Variants in KIAA1328 observed in about 807,000 individuals in gnomAD.
KIAA1328 encodes protein hinderin.
In KIAA1328, 52 loss-of-function variants were observed where a neutral mutation model predicts 68.1. That is an observed-to-expected ratio of 0.76 (90% CI 0.61 to 0.96). KIAA1328 has a LOEUF of 0.96. Ranked by LOEUF, KIAA1328 falls within the 40% of genes least tolerant of loss-of-function variation. KIAA1328 has a pLI of 0.00. For missense variants in KIAA1328, 641 were observed against 677.6 expected (o/e 0.95, Z 0.60); for synonymous variants, 232 against 239.4 (o/e 0.97, Z 0.28).
chr18:37,113,717 T>C (rs2058014155), intron 7 of KIAA1328, among the ~76,000 whole-genome samples: 1 of 152,026 alleles, frequency 6.6e-6, no homozygotes, highest in African/African-American at 2.4e-5. Context: ...GACTGGCAAA[T>C]TGGATAAAGA....
intron 7 of KIAA1328, chr18:37,075,493 A>C (rs1248602838): frequency 6.6e-6 from 1 of 152,180 alleles, no homozygotes; most frequent in African/African-American, 2.4e-5. Context: ...TATTAACTTT[A>C]AATGTAAATG....
chr18:36,847,828 TTGTTTTTCTA>T (rs1205239259), intron 4 of KIAA1328, among the ~76,000 whole-genome samples: 1 of 151,694 alleles, frequency 6.6e-6, no homozygotes, highest in African/African-American at 2.4e-5. Flanking sequence ...ATTGCAAAGG[TTGTTTTTCTA>T]TGTTAGAAAA....
intron 4 of KIAA1328, among the ~76,000 whole-genome samples, chr18:36,869,713 A>G (rs1395123033): frequency 6.6e-6 from 1 of 152,210 alleles, no homozygotes; most frequent in Non-Finnish European, 1.5e-5. Flanking sequence ...GAAGAAAGGA[A>G]GTATCACTGA....
chr18:37,046,976 C>A (rs1307469240), intron 6 of KIAA1328, among the ~76,000 whole-genome samples: 2 of 152,098 alleles, frequency 1.3e-5, no homozygotes, highest in Non-Finnish European at 2.9e-5. Context: ...ACTAAAAATA[C>A]AAAAAATTAG....
intron 7 of KIAA1328, among the ~76,000 whole-genome samples, chr18:37,120,528 CTT>C (rs1444232982): frequency 6.6e-6 from 1 of 152,090 alleles, no homozygotes; most frequent in Non-Finnish European, 1.5e-5. Flanking sequence ...ATCTTTGTCA[CTT>C]TGTTAGTAAA....
chr18:36,865,888 TCTGC>T, intron 4 of KIAA1328, among the ~76,000 whole-genome samples: 1 of 152,306 alleles, frequency 6.6e-6, no homozygotes, highest in East Asian at 1.9e-4. Flanking sequence ...TGGCTCTGAC[TCTGC>T]CTGCTGGTCT....
chr18:37,154,382 A>G (rs1376180378), intron 7 of KIAA1328, among the ~76,000 whole-genome samples: 1 of 152,198 alleles, frequency 6.6e-6, no homozygotes, highest in East Asian at 1.9e-4. Flanking sequence ...GTCACATTTG[A>G]TAAACAACAG....
chr18:37,225,620 T>C (rs1323601028), downstream of KIAA1328, among the ~76,000 whole-genome samples: 1 of 152,194 alleles, frequency 6.6e-6, no homozygotes, highest in East Asian at 1.9e-4. Context: ...TGTAAGTCCC[T>C]TCTCTGTGCC....
intron 7 of KIAA1328, among the ~76,000 whole-genome samples, chr18:37,107,879 CAG>C (rs371420689): frequency 4.7e-5 from 5 of 105,860 alleles, no homozygotes; most frequent in Non-Finnish European, 6.9e-5. Context: ...AAAAAAAAAA[CAG>C]ATGCTGGCAA....
At chr18:37,144,266 G>C (rs2058844884) in intron 7 of KIAA1328, among the ~76,000 whole-genome samples, 2 of 152,098 alleles carry the variant, frequency 1.3e-5, no homozygotes, top group Admixed American at 1.3e-4. Context: ...TACCATCTCT[G>C]ATTCCTAACT....
chr18:37,140,542 G>A (rs1289351979), intron 7 of KIAA1328, among the ~76,000 whole-genome samples: 1 of 152,064 alleles, frequency 6.6e-6, no homozygotes, highest in African/African-American at 2.4e-5. Context: ...CAAGAACTGA[G>A]AATGTTTTTT....
chr18:36,906,366 CTCAG>C (rs1360581485), intron 5 of KIAA1328, among the ~76,000 whole-genome samples: 3 of 152,180 alleles, frequency 2.0e-5, no homozygotes, highest in Non-Finnish European at 4.4e-5. Flanking sequence ...CTCCCCAAGC[CTCAG>C]TCAACTTCTG....
At chr18:37,015,660 C>G (rs2054127804) in intron 6 of KIAA1328, among the ~76,000 whole-genome samples, 1 of 152,036 alleles carries the variant, frequency 6.6e-6, no homozygotes, top group Admixed American at 6.6e-5. Context: ...TTGTTTGTGT[C>G]ACTTGTGATT....
chr18:37,152,001 GGAGTA>G (rs954442220), intron 7 of KIAA1328, among the ~76,000 whole-genome samples: 1 of 151,292 alleles, frequency 6.6e-6, no homozygotes, highest in African/African-American at 2.4e-5. Context: ...AGCTTCCTTA[GGAGTA>G]GCCCAGTCAT....
intron 4 of KIAA1328, among the ~76,000 whole-genome samples, chr18:36,880,202 T>C (rs556802659): frequency 6.6e-6 from 1 of 152,320 alleles, no homozygotes; most frequent in East Asian, 1.9e-4. Flanking sequence ...GTGAAGACCG[T>C]TGGATAAGCA....
intron 5 of KIAA1328, among the ~76,000 whole-genome samples, chr18:36,933,759 G>T (rs1005238820): frequency 2.0e-5 from 3 of 152,206 alleles, no homozygotes; most frequent in African/African-American, 7.2e-5. Context: ...GGCAGGGGAG[G>T]CTGCATTGTA....
intron 7 of KIAA1328, among the ~76,000 whole-genome samples, chr18:37,157,388 T>C (rs1361442530): frequency 6.6e-6 from 1 of 152,164 alleles, no homozygotes; most frequent in African/African-American, 2.4e-5. Flanking sequence ...CATTTATCCA[T>C]CCAGAACTTT....
intron 7 of KIAA1328, among the ~76,000 whole-genome samples, chr18:37,091,142 T>C (rs573550135): frequency 6.6e-6 from 1 of 152,018 alleles, no homozygotes; most frequent in Non-Finnish European, 1.5e-5. Flanking sequence ...AAAAGAATAG[T>C]TCAAAATGAA....
intron 4 of KIAA1328, among the ~76,000 whole-genome samples, chr18:36,882,506 C>G (rs1410427133): frequency 6.6e-6 from 1 of 152,072 alleles, no homozygotes; most frequent in Non-Finnish European, 1.5e-5. Flanking sequence ...CACAAAGAAG[C>G]CATGCATATC....
Sources: gnomAD v4.1 joint callset for allele counts (sites outside exome capture counted in the v4.1 genomes callset) on GRCh38, gnomAD v4.1.1 for gene constraint, MANE v1.5 for transcripts, NCBI Gene and HGNC (gene_info 2026-07-23, HGNC 2026-07-21) for gene names.